The following CTNNA3 variants were observed in gnomAD, a reference collection of about 807,000 sequenced individuals.
The protein encoded by CTNNA3 is catenin alpha 3, also known as catenin alpha-3.
A neutral mutation model predicts 95.7 loss-of-function variants in CTNNA3; 76 were observed. That is an observed-to-expected ratio of 0.79 (90% CI 0.66 to 0.96). The LOEUF (loss-of-function observed/expected upper bound fraction) is 0.96. Among genes scored for constraint, CTNNA3 ranks in the 40% least tolerant of loss-of-function variants. The pLI, the probability that CTNNA3 is intolerant of heterozygous loss-of-function variation, is 0.00. For synonymous variants in CTNNA3, 431 were observed against 374.4 expected, an observed-to-expected ratio of 1.15 and a Z score of -1.74; for missense variants, 1,191 against 1,089.8, an observed-to-expected ratio of 1.09 and a Z score of -1.31.
intron 15 of CTNNA3, among the ~76,000 whole-genome samples, chr10:66,064,611 C>A (rs990495139): frequency 6.6e-5 from 10 of 152,148 alleles, no homozygotes; most frequent in Admixed American, 3.3e-4. Flanking sequence ...GTGAAAATAT[C>A]TCTGGTTCCC....
At chr10:66,585,406 T>A (rs941426851) in intron 10 of CTNNA3, among the ~76,000 whole-genome samples, 1 of 152,010 alleles carries the variant, frequency 6.6e-6, no homozygotes, top group South Asian at 2.1e-4. Context: ...TGTTTACTTT[T>A]GCTGTGCTGA....
At chr10:66,324,755 G>A (rs1342883152) in intron 12 of CTNNA3, among the ~76,000 whole-genome samples, 2 of 151,994 alleles carry the variant, frequency 1.3e-5, no homozygotes, top group East Asian at 1.9e-4. Context: ...CATTTAACCC[G>A]ATGCATGCCG....
At chr10:67,473,172 A>G (rs1165818610) in intron 5 of CTNNA3, among the ~76,000 whole-genome samples, 1 of 152,226 alleles carries the variant, frequency 6.6e-6, no homozygotes, top group East Asian at 1.9e-4. Flanking sequence ...GAAATGCTTA[A>G]CTATTACAAT....
chr10:66,881,642 A>G (rs1337762262), intron 7 of CTNNA3, among the ~76,000 whole-genome samples: 4 of 152,076 alleles, frequency 2.6e-5, no homozygotes, highest in Admixed American at 6.6e-5. Context: ...CCTTGGGTAT[A>G]GGCTTTACAA....
intron 13 of CTNNA3, among the ~76,000 whole-genome samples, chr10:66,139,188 G>A (rs1421478126): frequency 6.6e-6 from 1 of 152,196 alleles, no homozygotes; most frequent in African/African-American, 2.4e-5. Flanking sequence ...ATGCCGAAAT[G>A]TTAGGCGAGA....
At chr10:67,174,743 G>A (rs1862161827) in intron 7 of CTNNA3, among the ~76,000 whole-genome samples, 1 of 152,076 alleles carries the variant, frequency 6.6e-6, no homozygotes, top group South Asian at 2.1e-4. Flanking sequence ...CTATATTCCA[G>A]CTTCAATATC....
At chr10:66,468,055 C>T (rs1286841424) in intron 11 of CTNNA3, among the ~76,000 whole-genome samples, 2 of 151,940 alleles carry the variant, frequency 1.3e-5, no homozygotes, top group South Asian at 4.2e-4. Context: ...ATTTACTAAA[C>T]GTATAACTAT....
intron 7 of CTNNA3, among the ~76,000 whole-genome samples, chr10:67,168,180 C>G (rs1391210065): frequency 6.6e-6 from 1 of 152,018 alleles, no homozygotes; most frequent in East Asian, 1.9e-4. Flanking sequence ...CATGATGTAG[C>G]CAAATTCTAT....
At chr10:66,536,233 G>A (rs1328873813) in intron 10 of CTNNA3, among the ~76,000 whole-genome samples, 1 of 151,802 alleles carries the variant, frequency 6.6e-6, no homozygotes, top group Non-Finnish European at 1.5e-5. Context: ...TGTAAACCCA[G>A]CACTTTGGGA....
At chr10:66,055,968 G>C (rs991134237) in intron 15 of CTNNA3, among the ~76,000 whole-genome samples, 2 of 146,644 alleles carry the variant, frequency 1.4e-5, no homozygotes, top group African/African-American at 5.0e-5. Context: ...TCATCTGCAA[G>C]CAAGGATAAT....
intron 7 of CTNNA3, among the ~76,000 whole-genome samples, chr10:66,947,937 A>G (rs565646703): frequency 1.3e-5 from 2 of 152,338 alleles, no homozygotes; most frequent in African/African-American, 4.8e-5. Flanking sequence ...ACAGTCTACT[A>G]CACACCTAGG....
intron 9 of CTNNA3, among the ~76,000 whole-genome samples, chr10:66,736,631 A>T (rs761773020): frequency 6.6e-6 from 1 of 151,982 alleles, no homozygotes; most frequent in African/African-American, 2.4e-5. Context: ...AAAATTTAAT[A>T]ATTTTATGTT....
intron 5 of CTNNA3, among the ~76,000 whole-genome samples, chr10:67,344,240 A>G (rs1272836145): frequency 1.3e-5 from 2 of 151,956 alleles, no homozygotes; most frequent in East Asian, 1.9e-4. Context: ...TTGGTTTGCT[A>G]GTATTTTGTT....
chr10:66,758,414 G>A (rs536845335), intron 9 of CTNNA3, among the ~76,000 whole-genome samples: 2 of 152,284 alleles, frequency 1.3e-5, no homozygotes, highest in African/African-American at 4.8e-5. Flanking sequence ...CATTATGCTT[G>A]TGTTTAATTG....
chr10:66,888,097 A>C (rs1845113740), intron 7 of CTNNA3, among the ~76,000 whole-genome samples: 1 of 152,180 alleles, frequency 6.6e-6, no homozygotes, highest in Non-Finnish European at 1.5e-5. Context: ...GGCTGTGGTC[A>C]GAGAAAGATG....
chr10:67,420,570 T>C (rs985281513), intron 5 of CTNNA3, among the ~76,000 whole-genome samples: 7 of 152,226 alleles, frequency 4.6e-5, no homozygotes, highest in Non-Finnish European at 8.8e-5. Flanking sequence ...AATGGGCTAA[T>C]ACATGTAACA....
chr10:67,396,589 A>G (rs1234947913), intron 5 of CTNNA3, among the ~76,000 whole-genome samples: 3 of 152,248 alleles, frequency 2.0e-5, no homozygotes, highest in Admixed American at 1.3e-4. Flanking sequence ...AGCCTTACCA[A>G]TAACATAAAC....
intron 7 of CTNNA3, among the ~76,000 whole-genome samples, chr10:66,851,514 G>A (rs1843486152): frequency 6.6e-6 from 1 of 152,038 alleles, no homozygotes; most frequent in African/African-American, 2.4e-5. Context: ...TCAGGGGGGT[G>A]GTTTCTCCTG....
At chr10:66,397,325 C>A (rs760062654) in intron 11 of CTNNA3, among the ~76,000 whole-genome samples, 2 of 151,642 alleles carry the variant, frequency 1.3e-5, no homozygotes, top group Non-Finnish European at 3.0e-5. Flanking sequence ...GGGAACTAAG[C>A]AAACTACCAT....
Sources: allele counts gnomAD v4.1 joint callset (sites outside exome capture counted in the v4.1 genomes callset), GRCh38; gene constraint gnomAD v4.1.1; transcripts MANE v1.5; gene names NCBI Gene and HGNC (gene_info 2026-07-23, HGNC 2026-07-21).